The following ENPP2 variants were observed in gnomAD, a reference collection of about 807,000 sequenced individuals.
The protein encoded by ENPP2 is ectonucleotide pyrophosphatase/phosphodiesterase 2, also known as autotaxin.
Under a neutral mutation model 120.2 loss-of-function variants are expected in ENPP2, and 51 were observed. That is an observed-to-expected ratio of 0.42 (90% confidence interval 0.34 to 0.54). ENPP2 has a LOEUF of 0.54. Ranked by LOEUF, ENPP2 falls within the 20% of genes least tolerant of loss-of-function variation. The pLI is 0.04. For synonymous variants in ENPP2, 365 were observed against 366.4 expected (o/e 1.00, Z 0.04); for missense variants, 920 against 1,066.5 (o/e 0.86, Z 1.91).
chr8:119,620,258 A>T (rs28639430), intron 4 of ENPP2, among the ~76,000 whole-genome samples: 8 of 152,208 alleles, frequency 5.3e-5, no homozygotes, highest in South Asian at 2.1e-4. Flanking sequence ...TTCTTTTTTT[A>T]AAAAAAATTT....
At chr8:119,673,203 C>G (rs565728339) in intron 1 of ENPP2, 6 of 1,462,028 alleles carry the variant, frequency 4.1e-6, no homozygotes, top group South Asian at 1.2e-5. Context: ...CAGCTGTGAC[C>G]TGGGAGCCCA....
chr8:119,622,425 A>G (rs1815969956), intron 3 of ENPP2, among the ~76,000 whole-genome samples: 1 of 152,240 alleles, frequency 6.6e-6, no homozygotes, highest in Admixed American at 6.5e-5. Context: ...CAGAGTTCCT[A>G]CTTTCAAGCC....
rs546827841 is a variant in ENPP2 at position 119,623,846 on chromosome 8, G to A, written c.293-2327C>T. ...TCATCATGCTGGCCAGGCTGGTCTC[G>A]AACTCCTGACTTCAAGTGATCTGCC... On this transcript the variant is annotated intron_variant, in intron 3 of 24. Transcript: ENST00000075322. 1.5e-3 allele frequency among the ~76,000 whole-genome samples: 221 copies of A among 152,134 alleles called. 1 individual carries two copies. Among genetic ancestry groups the A allele is most frequent in the Non-Finnish European group, 2.8e-3 (189 of 68,010 alleles).
intron 24 of ENPP2, among the ~76,000 whole-genome samples, chr8:119,558,217 T>C (rs1255446921): frequency 6.6e-6 from 1 of 152,136 alleles, no homozygotes; most frequent in Non-Finnish European, 1.5e-5. Flanking sequence ...ATTTGAAAAA[T>C]GAGGTCAACT....
chr8:119,631,174 G>A (rs1816643323), intron 2 of ENPP2, among the ~76,000 whole-genome samples: 3 of 142,210 alleles, frequency 2.1e-5, no homozygotes, highest in South Asian at 2.3e-4. Context: ...GATTACAGGT[G>A]TGAGCCACTG....
At chr8:119,624,002 T>A (rs1816096181) in intron 3 of ENPP2, among the ~76,000 whole-genome samples, 1 of 152,172 alleles carries the variant, frequency 6.6e-6, no homozygotes, top group Admixed American at 6.5e-5. Context: ...GCTTTTCCCA[T>A]GACCTGCTCT....
At chr8:119,617,139 G>A (rs1248386125) in intron 7 of ENPP2, 25 bp downstream of exon 7, 9 of 1,414,032 alleles carry the variant, frequency 6.4e-6, no homozygotes, top group Non-Finnish European at 6.0e-6. Context: ...CCCTTTGAAT[G>A]TGTATCATTC....
chr8:119,571,969 G>A, intron 19 of ENPP2: 1 of 514,604 alleles, frequency 1.9e-6, no homozygotes, highest in Non-Finnish European at 3.5e-6. Flanking sequence ...GCCTGTTCTG[G>A]GTAGTTCGGC....
chr8:119,651,751 C>A (rs916273277), intron 1 of ENPP2, among the ~76,000 whole-genome samples: 12 of 152,102 alleles, frequency 7.9e-5, no homozygotes, highest in African/African-American at 2.9e-4. Flanking sequence ...AAAAAGTGAC[C>A]AGAACCTTGG....
In ENPP2 at chr8:119,581,892, G is replaced by A. The variant is rs534870636; in HGVS notation, c.1728+526C>T. 1.1e-3 allele frequency among the ~76,000 whole-genome samples: 169 copies of A among 151,168 alleles called. 1 individual carries two copies. Among genetic ancestry groups the A allele is most frequent in the Admixed American group, 3.2e-3 (48 of 15,154 alleles). On this transcript the variant is annotated intron_variant, in intron 18 of 24. Transcript: ENST00000075322. Reference sequence around the variant, plus strand: ...TCAGCCTCCCAGCGCCACCATGCCCGGCTAATTTTTTTGTGTTTTTAGTAG... The same window carrying A: ...TCAGCCTCCCAGCGCCACCATGCCCAGCTAATTTTTTTGTGTTTTTAGTAG...
At chr8:119,632,279 G>GT (rs1244311672) in intron 2 of ENPP2, among the ~76,000 whole-genome samples, 3 of 152,152 alleles carry the variant, frequency 2.0e-5, no homozygotes, top group African/African-American at 7.2e-5. Flanking sequence ...TGAGATGGCC[G>GT]TAACAGCGCA....
chr8:119,612,372 A>G (rs188280180), intron 8 of ENPP2, among the ~76,000 whole-genome samples: 6 of 152,348 alleles, frequency 3.9e-5, no homozygotes, highest in Non-Finnish European at 8.8e-5. Flanking sequence ...ACAGATAAAA[A>G]GAGGTTAGCA....
At chr8:119,594,973 A>G (rs1033368929) in intron 11 of ENPP2, among the ~76,000 whole-genome samples, 11 of 152,188 alleles carry the variant, frequency 7.2e-5, no homozygotes, top group Admixed American at 1.3e-4. Context: ...TCAGTATTTC[A>G]AGTCCTATCC....
chr8:119,607,833 A>T, intron 9 of ENPP2, 89 bp downstream of exon 9: 2 of 834,718 alleles, frequency 2.4e-6, no homozygotes, highest in Non-Finnish European at 3.8e-6. Context: ...TTCACATTTA[A>T]CTGAAACAAA....
intron 18 of ENPP2, 128 bp downstream of exon 18, chr8:119,582,290 C>G: frequency 1.5e-6 from 1 of 681,922 alleles, no homozygotes. Flanking sequence ...CTCAGTCACA[C>G]TAGCCAGTAG....
intron 2 of ENPP2, among the ~76,000 whole-genome samples, chr8:119,637,933 C>T (rs1817103652): frequency 6.6e-6 from 1 of 152,146 alleles, no homozygotes; most frequent in Admixed American, 6.5e-5. Context: ...CACCTCCTCT[C>T]TTTTATGTTT....
At chr8:119,635,951 G>A (rs1816974340) in intron 2 of ENPP2, among the ~76,000 whole-genome samples, 1 of 152,214 alleles carries the variant, frequency 6.6e-6, no homozygotes, top group Non-Finnish European at 1.5e-5. Flanking sequence ...ACTCTGAGAA[G>A]CTATGGTTAC....
chr8:119,644,587 AATATATATATATATATATAT>A (rs33966650), intron 1 of ENPP2, among the ~76,000 whole-genome samples: 1 of 59,978 alleles, frequency 1.7e-5, no homozygotes, highest in Non-Finnish European at 3.3e-5. Context: ...AGATTACTAA[AATATATATATATATATATAT>A]ATATATATAT....
chr8:119,557,808 G>A (rs959731254), intron 24 of ENPP2, 117 bp from the exon 25 acceptor site: 12 of 783,110 alleles, frequency 1.5e-5, no homozygotes, highest in South Asian at 6.1e-5. Flanking sequence ...CAGAGCCAAC[G>A]CATGTTGATC....
Sources: gnomAD v4.1 joint callset for allele counts (sites outside exome capture counted in the v4.1 genomes callset) on GRCh38, gnomAD v4.1.1 for gene constraint, MANE v1.5 for transcripts, NCBI Gene and HGNC (gene_info 2026-07-23, HGNC 2026-07-21) for gene names.